Variants in PGCKA1 observed in about 807,000 individuals in gnomAD.
PGCKA1 encodes PDCD10 and GCKIII kinases associated 1.
the PGCKA1 span, among the ~76,000 whole-genome samples, chr4:37,472,924 G>A: frequency 2.0e-5 from 3 of 152,162 alleles, no homozygotes; most frequent in Non-Finnish European, 2.9e-5. Context: ...ATTCTGAGTA[G>A]GATTAAATGG....
chr4:37,518,873 C>T, the PGCKA1 span, among the ~76,000 whole-genome samples: 30,987 of 151,998 alleles, frequency 0.2, 3,907 homozygotes, highest in African/African-American at 0.35. Flanking sequence ...TTTTCCCCAA[C>T]GTTTTCCTGT....
At chr4:37,586,039 T>C in the PGCKA1 span, among the ~76,000 whole-genome samples, 1 of 151,636 alleles carries the variant, frequency 6.6e-6, no homozygotes, top group South Asian at 2.1e-4. Context: ...CTTTTTCTTT[T>C]TGGGGGGTGT....
the PGCKA1 span, among the ~76,000 whole-genome samples, chr4:37,530,617 T>C: frequency 7.2e-6 from 1 of 138,164 alleles, no homozygotes; most frequent in South Asian, 2.4e-4. Flanking sequence ...AGCCAGGTAA[T>C]ACTCAAAGAA....
the PGCKA1 span, among the ~76,000 whole-genome samples, chr4:37,527,106 T>C: frequency 6.7e-6 from 1 of 149,000 alleles, no homozygotes; most frequent in East Asian, 2.0e-4. Context: ...TTAAAAAAAA[T>C]TAATTAAAAA....
the PGCKA1 span, among the ~76,000 whole-genome samples, chr4:37,542,431 ATATC>A: frequency 6.6e-6 from 1 of 152,196 alleles, no homozygotes; most frequent in African/African-American, 2.4e-5. Flanking sequence ...GCACGGATAA[ATATC>A]AAGCAAGAAT....
chr4:37,569,111 G>T, the PGCKA1 span, among the ~76,000 whole-genome samples: 21 of 151,954 alleles, frequency 1.4e-4, no homozygotes, highest in Non-Finnish European at 2.1e-4. Context: ...AAAAAGGGGG[G>T]GAGAGATTAA....
the PGCKA1 span, among the ~76,000 whole-genome samples, chr4:37,542,509 G>C: frequency 3.9e-5 from 6 of 152,280 alleles, no homozygotes; most frequent in Non-Finnish European, 8.8e-5. Flanking sequence ...TGAATATGCT[G>C]TAAAAAACGC....
chr4:37,590,933 C>A, the PGCKA1 span: 32 of 1,614,132 alleles, frequency 2.0e-5, no homozygotes, highest in East Asian at 6.5e-4. Context: ...GAGGATGCAG[C>A]GGTGGCGGAG....
At chr4:37,498,524 A>G in the PGCKA1 span, among the ~76,000 whole-genome samples, 43 of 152,296 alleles carry the variant, frequency 2.8e-4, 1 homozygote, top group Admixed American at 2.2e-3. Flanking sequence ...TATTGATCCT[A>G]TCCATCCATG....
chr4:37,507,198 G>GA, the PGCKA1 span, among the ~76,000 whole-genome samples: 1 of 151,900 alleles, frequency 6.6e-6, no homozygotes, highest in African/African-American at 2.4e-5. Context: ...ATTTCTTATA[G>GA]GCAACAGATA....
the PGCKA1 span, among the ~76,000 whole-genome samples, chr4:37,553,064 C>T: frequency 1.1e-3 from 147 of 137,318 alleles, 7 homozygotes; most frequent in African/African-American, 3.4e-3. Context: ...CTGGCAGCTT[C>T]GTTGCAGTGG....
chr4:37,567,704 C>G, the PGCKA1 span, among the ~76,000 whole-genome samples: 77 of 152,252 alleles, frequency 5.1e-4, no homozygotes, highest in African/African-American at 1.8e-3. Context: ...TACGCTCTCC[C>G]AGGGAGCACC....
chr4:37,511,103 G>A, the PGCKA1 span, among the ~76,000 whole-genome samples: 2 of 152,036 alleles, frequency 1.3e-5, no homozygotes, highest in Admixed American at 6.5e-5. Context: ...CTTCAGGGCA[G>A]CGGACTTTTT....
the PGCKA1 span, among the ~76,000 whole-genome samples, chr4:37,519,553 C>A: frequency 6.6e-6 from 1 of 151,988 alleles, no homozygotes; most frequent in Non-Finnish European, 1.5e-5. Flanking sequence ...TTTTTGATTT[C>A]TTTCTCAGAT....
chr4:37,580,933 G>A, the PGCKA1 span, among the ~76,000 whole-genome samples: 1 of 152,186 alleles, frequency 6.6e-6, no homozygotes, highest in Non-Finnish European at 1.5e-5. Context: ...CTGGGGCTGA[G>A]CTGTCACTCA....
the PGCKA1 span, among the ~76,000 whole-genome samples, chr4:37,496,787 T>G: frequency 6.6e-6 from 1 of 152,188 alleles, no homozygotes. Context: ...CAGTTTTTTA[T>G]AGTTTTCATT....
the PGCKA1 span, chr4:37,590,532 A>C: frequency 6.2e-7 from 1 of 1,614,078 alleles, no homozygotes; most frequent in Non-Finnish European, 8.5e-7. Flanking sequence ...AAGTCATGAG[A>C]AATGGAGACT....
chr4:37,555,932 C>A, the PGCKA1 span, among the ~76,000 whole-genome samples: 1 of 152,162 alleles, frequency 6.6e-6, no homozygotes, highest in African/African-American at 2.4e-5. Flanking sequence ...TGAGTCTCCT[C>A]CTTAAACATC....
chr4:37,460,114 G>T, the PGCKA1 span, among the ~76,000 whole-genome samples: 1 of 152,070 alleles, frequency 6.6e-6, no homozygotes, highest in Non-Finnish European at 1.5e-5. Context: ...GTGTTAGTTT[G>T]CTGAGGATGA....
Sources: allele counts gnomAD v4.1 joint callset (sites outside exome capture counted in the v4.1 genomes callset), GRCh38; gene constraint gnomAD v4.1.1; transcripts MANE v1.5; gene names NCBI Gene and HGNC (gene_info 2026-07-23, HGNC 2026-07-21).